IQCM: variants seen among roughly 807,000 people sequenced by gnomAD.
IQCM encodes the protein IQ motif containing M, also known as IQ domain-containing protein M.
IQCM carries 45 observed loss-of-function variants against 57.6 expected under a neutral mutation model. That is an observed-to-expected ratio of 0.78 (90% confidence interval 0.62 to 1.00). The LOEUF is 1.00. IQCM is among the 50% of genes least tolerant of loss of function. The pLI is 0.00. For missense variants in IQCM, 468 were observed against 511.6 expected, an observed-to-expected ratio of 0.91 and a Z score of 0.82; for synonymous variants, 148 against 158.9, an observed-to-expected ratio of 0.93 and a Z score of 0.51.
chr4:149,540,374 C>T (rs1747729229), intron 12 of IQCM, among the ~76,000 whole-genome samples: 1 of 150,666 alleles, frequency 6.6e-6, no homozygotes, highest in South Asian at 2.1e-4. Flanking sequence ...CATCTGAACC[C>T]CACAAGCTAT....
intron 3 of IQCM, among the ~76,000 whole-genome samples, chr4:149,740,636 T>C (rs1767371352): frequency 6.6e-6 from 1 of 152,182 alleles, no homozygotes. Flanking sequence ...GTTTTAAATA[T>C]GTGCTTCATT....
intron 11 of IQCM, among the ~76,000 whole-genome samples, chr4:149,551,794 G>A (rs552381020): frequency 6.6e-6 from 1 of 152,178 alleles, no homozygotes; most frequent in South Asian, 2.1e-4. Context: ...CTTAAAATCT[G>A]ACTCTCACTC....
chr4:149,370,826 A>T (rs2110979357), intron 13 of IQCM, among the ~76,000 whole-genome samples: 1 of 150,618 alleles, frequency 6.6e-6, no homozygotes, highest in South Asian at 2.1e-4. Flanking sequence ...ACACAACCCT[A>T]CTCCTCCACC....
intron 12 of IQCM, among the ~76,000 whole-genome samples, chr4:149,476,203 C>T (rs1740169148): frequency 1.3e-5 from 2 of 152,062 alleles, no homozygotes; most frequent in South Asian, 4.1e-4. Flanking sequence ...ACTGGCACAT[C>T]TATGGCAGCA....
chr4:149,523,665 T>C (rs958017796), intron 12 of IQCM, among the ~76,000 whole-genome samples: 2 of 152,004 alleles, frequency 1.3e-5, no homozygotes, highest in African/African-American at 2.4e-5. Flanking sequence ...TCAATATTTA[T>C]AGGTAGATGG....
At chr4:149,591,301 T>A (rs1163353052) in intron 8 of IQCM, among the ~76,000 whole-genome samples, 1 of 152,096 alleles carries the variant, frequency 6.6e-6, no homozygotes, top group Non-Finnish European at 1.5e-5. Flanking sequence ...ATGATTAAAT[T>A]CTTTCATTAA....
intron 2 of IQCM, among the ~76,000 whole-genome samples, chr4:149,802,427 A>G (rs1190698135): frequency 6.6e-6 from 1 of 151,962 alleles, no homozygotes; most frequent in Non-Finnish European, 1.5e-5. Flanking sequence ...GCTAGACACC[A>G]TAACTCATAA....
intron 12 of IQCM, among the ~76,000 whole-genome samples, chr4:149,471,060 T>G (rs1323774542): frequency 6.6e-6 from 1 of 152,078 alleles, no homozygotes; most frequent in Admixed American, 6.6e-5. Flanking sequence ...TTAAAAGAAC[T>G]GGAGAAGCAA....
intron 8 of IQCM, among the ~76,000 whole-genome samples, chr4:149,617,920 G>A (rs1755944785): frequency 6.6e-6 from 1 of 152,128 alleles, no homozygotes; most frequent in South Asian, 2.1e-4. Flanking sequence ...TAATTTAAAT[G>A]ATCATACTGC....
chr4:149,537,697 T>C (rs559028295), intron 12 of IQCM, among the ~76,000 whole-genome samples: 36 of 151,924 alleles, frequency 2.4e-4, no homozygotes, highest in African/African-American at 8.7e-4. Context: ...GGCAAAGAGA[T>C]ACTCTTGAAA....
chr4:149,360,784 T>C (rs1412008864), intron 13 of IQCM, among the ~76,000 whole-genome samples: 1 of 152,174 alleles, frequency 6.6e-6, no homozygotes, highest in Admixed American at 6.5e-5. Flanking sequence ...GGATATGTCT[T>C]TATTAGCAGG....
At chr4:149,582,723 A>G (rs1483283090) in intron 9 of IQCM, among the ~76,000 whole-genome samples, 1 of 151,572 alleles carries the variant, frequency 6.6e-6, no homozygotes, top group Non-Finnish European at 1.5e-5. Flanking sequence ...AATGTTATTC[A>G]CCATACATTT....
chr4:149,586,098 T>C (rs1191339861), intron 9 of IQCM, among the ~76,000 whole-genome samples: 2 of 151,568 alleles, frequency 1.3e-5, no homozygotes, highest in East Asian at 3.9e-4. Flanking sequence ...GTAACATCTG[T>C]AAGGAAAAAA....
At chr4:149,443,663 A>AGAAAGGAAAG (rs70965186) in intron 12 of IQCM, among the ~76,000 whole-genome samples, 1,345 of 56,076 alleles carry the variant, frequency 0.024, 120 homozygotes, top group Middle Eastern at 0.075. Flanking sequence ...CCAATGGTAA[A>AGAAAGGAAAG]GAAAGGAAAG....
At chr4:149,709,460 G>T (rs1005880164) in intron 5 of IQCM, among the ~76,000 whole-genome samples, 2 of 152,024 alleles carry the variant, frequency 1.3e-5, no homozygotes, top group African/African-American at 4.8e-5. Flanking sequence ...CTTTCAAGGG[G>T]TCATCACTAA....
intron 12 of IQCM, among the ~76,000 whole-genome samples, chr4:149,530,549 G>A (rs1746625490): frequency 6.6e-6 from 1 of 152,118 alleles, no homozygotes; most frequent in African/African-American, 2.4e-5. Flanking sequence ...TTAGTCCTGA[G>A]ACAGTATCAT....
In IQCM at chr4:149,406,563, T is replaced by C. The variant is rs181866079; in HGVS notation, c.1390+26833A>G. ...CTGTAAGGAGGCAAGGGGTTACAGG[T>C]CCTAGTAAGGACTTTAGTCTCTATT... On this transcript the variant is annotated intron_variant, in intron 13 of 13. Transcript: ENST00000636793. Among the ~76,000 whole-genome samples the C allele has an allele frequency of 3.0e-4, 45 of 152,166 alleles. No homozygotes were observed. The East Asian group carries it at 7.0e-3, about 24-fold the overall frequency.
intron 2 of IQCM, among the ~76,000 whole-genome samples, chr4:149,749,261 G>A (rs1232957971): frequency 6.6e-6 from 1 of 152,158 alleles, no homozygotes; most frequent in African/African-American, 2.4e-5. Flanking sequence ...GATCATAGCA[G>A]TGCTATTTGT....
intron 12 of IQCM, among the ~76,000 whole-genome samples, chr4:149,540,636 T>C (rs1394385068): frequency 6.6e-6 from 1 of 152,092 alleles, no homozygotes; most frequent in Admixed American, 6.6e-5. Flanking sequence ...ACAGTGAGCT[T>C]GTGAGCTGCG....
Sources: gnomAD v4.1 joint callset for allele counts (sites outside exome capture counted in the v4.1 genomes callset) on GRCh38, gnomAD v4.1.1 for gene constraint, MANE v1.5 for transcripts, NCBI Gene and HGNC (gene_info 2026-07-23, HGNC 2026-07-21) for gene names.